BAIAP3: variants seen among roughly 807,000 people sequenced by gnomAD.
BAIAP3 encodes BAI1-associated protein 3.
In BAIAP3, 180 loss-of-function variants were observed where a neutral mutation model predicts 149.7. The ratio of observed to expected loss-of-function variants is 1.20; its 90% confidence interval spans 1.07 to 1.36. The LOEUF is 1.36. Among genes scored for constraint, BAIAP3 ranks in the 40% most tolerant of loss-of-function variants. The probability of loss-of-function intolerance (pLI) is 0.00; values close to 1 mark genes in which losing one functional copy is unlikely to be tolerated. For synonymous variants in BAIAP3, 845 were observed against 670.7 expected, an observed-to-expected ratio of 1.26 and a Z score of -4.02; for missense variants, 1,767 against 1,563.4, an observed-to-expected ratio of 1.13 and a Z score of -2.20.
In BAIAP3 at chr16:1,338,905, A is replaced by G; in HGVS notation, c.135A>G (p.Lys45=). 2 of 1,612,946 alleles carry G rather than the reference A, an allele frequency of 1.2e-6. No homozygotes were observed. The highest frequency in any genetic ancestry group is 1.7e-6 in the Non-Finnish European group (2 of 1,179,884). Residue 45 remains lysine (K), a synonymous_variant, in exon 3 of 34, where the codon AAA becomes AAG. Coordinates refer to ENST00000426824, the MANE Select transcript of BAIAP3 (RefSeq NM_001199097.2). The part of the protein sequence containing the change: ...DPQEPATGAW[K]PGDGVEFFAH... The stretch of plus-strand genomic sequence containing the variant: ...GCTGACCCGGCTCTTTCTCCAGGAA[A>G]CCCGGGGATGGCGTGGAGTTCTTTG...
At position 1,338,672 on chromosome 16, in the gene BAIAP3, G is replaced by A. The variant is rs201283382; in HGVS notation, c.123G>A (p.Thr41=). Residue 41 remains threonine (T), a synonymous_variant, in exon 2 of 34, where the codon ACG becomes ACA. Transcript: ENST00000426824. ...SASADPQEPA[T]GAWKPGDGVE... ...GCGCCGACCCGCAGGAGCCTGCCACGGGGGCCTGGTGGGTGCCGAGGGGCC... is the reference window on the plus strand; with the variant it reads ...GCGCCGACCCGCAGGAGCCTGCCACAGGGGCCTGGTGGGTGCCGAGGGGCC... 1.6e-5 allele frequency: 26 copies of A among 1,582,606 alleles called. No homozygotes were observed. Among genetic ancestry groups the A allele is most frequent in the Admixed American group, 1.5e-4 (8 of 54,980 alleles).
chr16:1,346,107 G>A (rs2034341240), intron 24 of BAIAP3, 29 bp downstream of exon 24: 2 of 1,605,244 alleles, frequency 1.2e-6, no homozygotes, highest in Non-Finnish European at 1.7e-6. Flanking sequence ...AGGGGAGCCG[G>A]CAGGAGGTGG....
At position 1,342,460 on chromosome 16, in the gene BAIAP3, C is replaced by G. The variant is rs776253020; in HGVS notation, c.958-67C>G. 4.2e-5 allele frequency: 61 copies of G among 1,462,406 alleles called. 1 individual carries two copies. Among genetic ancestry groups the G allele is most frequent in the Non-Finnish European group, 2.2e-5 (24 of 1,072,192 alleles). The allele number at this position is 1,462,406 out of a possible 1,614,324, so 90.6% of individuals were successfully genotyped here. On this transcript the variant is annotated intron_variant, in intron 11 of 33. Transcript: ENST00000426824. ...CCAGGCCATGTGGTCTCTCCAGGGT[C>G]TCACAGAGTCAGTGTGGAAGGGGAG... is the stretch of plus-strand genomic sequence containing the variant.
chr16:1,345,115 C>T lies in BAIAP3; in HGVS notation c.1940+16C>T. The T allele has an allele frequency of 1.9e-6, 3 of 1,612,548 alleles. No individual in the cohort carries two copies. The highest frequency in any genetic ancestry group is 1.7e-6 in the Non-Finnish European group (2 of 1,179,932). On this transcript the variant is annotated intron_variant, in intron 21 of 33. Coordinates refer to ENST00000426824, the MANE Select transcript of BAIAP3 (RefSeq NM_001199097.2). ...TCCCTGGCCGGTGGGTGCCCCGTCC[C>T]TATCTCTTGCAGACAGACTTTGGGA...
rs752142595 is a variant in BAIAP3 at position 1,346,724 on chromosome 16, G to A, written c.2642+40G>A. ...GGTGGGATGGGCTGGGCTGGCCCGTGGTCACTGAGGCCGCCCTGCAGGGTG... is the reference window on the plus strand; with the variant it reads ...GGTGGGATGGGCTGGGCTGGCCCGTAGTCACTGAGGCCGCCCTGCAGGGTG... On this transcript the variant is annotated intron_variant, in intron 27 of 33. Transcript: ENST00000426824. 9.2e-6 allele frequency: 14 copies of A among 1,516,436 alleles called. No homozygotes were observed. The South Asian group carries it at 1.3e-4, about 14-fold the overall frequency. The allele number at this position is 1,516,436 out of a possible 1,614,324, so 93.9% of individuals were successfully genotyped here. A position where few individuals can be genotyped will look rare whatever the true frequency, so the allele number is the denominator to read the frequency against.
At chr16:1,340,828 G>A (rs1002071126) in intron 5 of BAIAP3, 94 bp from the exon 6 acceptor site, 5 of 1,345,608 alleles carry the variant, frequency 3.7e-6, no homozygotes, top group Non-Finnish European at 5.2e-6. Flanking sequence ...CTGAGGTTGG[G>A]TGTCTGTGAC....
chr16:1,342,759 T>A lies in BAIAP3; in HGVS notation c.1106T>A (p.Leu369Gln), dbSNP rs1293834981. The A allele has an allele frequency of 1.2e-6, 2 of 1,612,580 alleles. No homozygotes were observed. The highest frequency in any genetic ancestry group is 3.3e-5 in the Admixed American group (2 of 60,022). ...AGCCAGCGCGGGCGATCCGGCTTCC[T>A]GTCCCACCTGCTGCTGCTCAGCCAT... Reference protein sequence around the residue: ...AMSQRGRSGFLSHLLLLSHLL... With the variant: ...AMSQRGRSGFQSHLLLLSHLL... Residue 369 changes from leucine to glutamine, a missense_variant, in exon 13 of 34, where the codon CTG (leucine) becomes CAG (glutamine). Leu to Gln is a moderately radical substitution (Grantham distance 113). Coordinates refer to ENST00000426824, the MANE Select transcript of BAIAP3 (RefSeq NM_001199097.2).
At chr16:1,347,000 G>A in intron 28 of BAIAP3, 45 bp downstream of exon 28, 1 of 1,527,110 alleles carries the variant, frequency 6.5e-7, no homozygotes, top group African/African-American at 1.4e-5. Context: ...CCCGCCTCAG[G>A]GCTGCTCTGA....
intron 31 of BAIAP3, 25 bp from the exon 32 acceptor site, chr16:1,347,869 G>A: frequency 2.5e-6 from 4 of 1,609,580 alleles, no homozygotes; most frequent in East Asian, 2.2e-5. Flanking sequence ...TGGGGGCAGG[G>A]GGGCTCACGA....
intron 31 of BAIAP3, 26 bp from the exon 32 acceptor site, chr16:1,347,868 G>T: frequency 6.2e-7 from 1 of 1,609,418 alleles, no homozygotes. Context: ...ATGGGGGCAG[G>T]GGGGCTCACG....
chr16:1,348,033 C>T lies in BAIAP3; in HGVS notation c.3149+16C>T, dbSNP rs755012469. ...TCTTCTACTTGTGAGTGTCCTAAGC[C>T]CCAGCCCCAGCCCCAGGCTCCAGGC... On this transcript the variant is annotated intron_variant, in intron 32 of 33. Transcript: ENST00000426824. 16 of 1,600,636 alleles carry T rather than the reference C, an allele frequency of 1.0e-5. No individual in the cohort carries two copies. The highest frequency in any genetic ancestry group is 2.2e-5 in the East Asian group (1 of 44,588).
chr16:1,346,410 C>CT, intron 25 of BAIAP3, 32 bp from the exon 26 acceptor site: 1 of 1,611,932 alleles, frequency 6.2e-7, no homozygotes. Context: ...CTGGTGCCCC[C>CT]TGCCCGTGCT....
chr16:1,344,001 T>G (rs774595120), intron 15 of BAIAP3, 21 bp from the exon 16 acceptor site: 4 of 1,611,202 alleles, frequency 2.5e-6, no homozygotes, highest in Non-Finnish European at 3.4e-6. Context: ...CTGCTGGCAC[T>G]GAAGGGCCCT....
intron 5 of BAIAP3, among the ~76,000 whole-genome samples, chr16:1,340,188 GAC>G (rs373992428): frequency 0.39 from 27,561 of 70,656 alleles, 7,507 homozygotes; most frequent in East Asian, 0.74. Flanking sequence ...GGTGCACACA[GAC>G]ACACGCACAC....
At position 1,336,633 on chromosome 16, in the gene BAIAP3, C is replaced by T. The variant is rs186746820; in HGVS notation, c.-10-1907C>T. On this transcript the variant is annotated intron_variant, in intron 1 of 33. Coordinates refer to ENST00000426824, the MANE Select transcript of BAIAP3 (RefSeq NM_001199097.2). ...CACAGCAGGGGCCCGGGAGCTGGCT[C>T]GACAAAGTCCGTTTGGAACCCACCA... Among the ~76,000 whole-genome samples, 1,410 of 152,250 alleles carry T rather than the reference C, an allele frequency of 9.3e-3. 35 individuals carry two copies. The highest frequency in any genetic ancestry group is 0.046 in the Admixed American group (700 of 15,290).
Position 1,348,681 on chromosome 16 carries a change from C to T in BAIAP3, c.*199C>T. The T allele has an allele frequency of 1.6e-6, 1 of 619,520 alleles. No individual in the cohort carries two copies. The highest frequency in any genetic ancestry group is 2.0e-5 in the South Asian group (1 of 51,158). The allele number at this position is 619,520 out of a possible 1,614,324, so 38.4% of individuals were successfully genotyped here. On this transcript the variant is annotated 3_prime_UTR_variant, in exon 34 of 34. Coordinates refer to ENST00000426824, the MANE Select transcript of BAIAP3 (RefSeq NM_001199097.2). The stretch of plus-strand genomic sequence containing the variant: ...GTGTGCTGTGAACCCCTGCACCCAA[C>T]CCCACATCTGGGTGGCCAACTTGGC...
At position 1,335,895 on chromosome 16, in the gene BAIAP3, G is replaced by A. The variant is rs146037948; in HGVS notation, c.-11+2146G>A. 3.7e-3 allele frequency among the ~76,000 whole-genome samples: 560 copies of A among 152,266 alleles called. 6 individuals are homozygous for A. The highest frequency in any genetic ancestry group is 0.013 in the African/African-American group (521 of 41,554). The stretch of plus-strand genomic sequence containing the variant: ...ACTTGCTGGCTCTGGGACCTTGGGC[G>A]GGCTCCCAGCCCTGCGCCTCCGTTT... On this transcript the variant is annotated intron_variant, in intron 1 of 33. Transcript: ENST00000426824.
Position 1,338,534 on chromosome 16 carries a change from C to T in BAIAP3, c.-10-6C>T. ...CTGAGGCTGCGGGCTGTGCTCTCTG[C>T]TGTAGGTCACCCGCCATGTCGACCT... On this transcript the variant is annotated splice_polypyrimidine_tract_variant and splice_region_variant and intron_variant, in intron 1 of 33. Transcript: ENST00000426824. 1 of 1,519,344 alleles carries T rather than the reference C, an allele frequency of 6.6e-7. No individual in the cohort carries two copies. The highest frequency in any genetic ancestry group is 8.9e-7 in the Non-Finnish European group (1 of 1,121,252). 94.1% of individuals were successfully genotyped at this position (1,519,344 alleles called of 1,614,324 possible).
intron 15 of BAIAP3, 69 bp from the exon 16 acceptor site, chr16:1,343,953 C>T: frequency 6.3e-7 from 1 of 1,593,368 alleles, no homozygotes; most frequent in Non-Finnish European, 8.5e-7. Context: ...CGGGCCAAGG[C>T]AGGGAGGATG....
Sources: gnomAD v4.1 joint callset for allele counts (sites outside exome capture counted in the v4.1 genomes callset) on GRCh38, gnomAD v4.1.1 for gene constraint, MANE v1.5 for transcripts, NCBI Gene and HGNC (gene_info 2026-07-23, HGNC 2026-07-21) for gene names.